Variants in NPC1 observed in about 807,000 individuals in gnomAD.
The protein encoded by NPC1 is NPC intracellular cholesterol transporter 1, also known as Niemann-Pick C1 protein.
A neutral mutation model predicts 140.4 loss-of-function variants in NPC1; 85 were observed. That is an observed-to-expected ratio of 0.61 (90% CI 0.51 to 0.72). The LOEUF is 0.72. Ranked by LOEUF, NPC1 falls within the 30% of genes least tolerant of loss-of-function variation. The pLI is 0.00. For missense variants in NPC1, 1,504 were observed against 1,623.8 expected (o/e 0.93, Z 1.27); for synonymous variants, 656 against 624.8 (o/e 1.05, Z -0.74).
At chr18:23,512,017 T>C (rs62093270) in intron 3 of NPC1, among the ~76,000 whole-genome samples, 1 of 83,608 alleles carries the variant, frequency 1.2e-5, no homozygotes, top group African/African-American at 4.8e-5. Context: ...GTAGAAAGAC[T>C]TTTTTTTTTT....
rs559970885 is a variant in NPC1, at chr18:23,551,734, A to G, written c.1554-7T>C. ...ATTCAGAGAGGCAGGAGCCCTGCCAAAAAGTTTAGAAAACACCTCCCAGTT... is the reference window on the plus strand; with the variant it reads ...ATTCAGAGAGGCAGGAGCCCTGCCAGAAAGTTTAGAAAACACCTCCCAGTT... On this transcript the variant is annotated splice_region_variant and splice_polypyrimidine_tract_variant and intron_variant, in intron 9 of 24. Transcript: ENST00000269228. The G allele has an allele frequency of 1.2e-6, 2 of 1,603,480 alleles. No homozygotes were observed. The highest frequency in any genetic ancestry group is 1.1e-5 in the South Asian group (1 of 90,898).
Position 23,535,573 on chromosome 18 carries a change from C to T in NPC1, c.3373G>A (p.Val1125Ile). 6.2e-7 allele frequency: 1 copy of T among 1,614,144 alleles called. No homozygotes were observed. The highest frequency in any genetic ancestry group is 1.1e-5 in the South Asian group (1 of 91,076). ...VLLGCELWSA[V>I]IMCATIAMVL... ...ATGGCGATGGTGGCACACATGATGACTGCAGACCAGAGCTCACAGCCCAGG... is the reference window on the plus strand; with the variant it reads ...ATGGCGATGGTGGCACACATGATGATTGCAGACCAGAGCTCACAGCCCAGG... Residue 1125 changes from valine to isoleucine, a missense_variant, in exon 22 of 25, where the codon GTC becomes ATC. Coordinates refer to ENST00000269228, the MANE Select transcript of NPC1 (RefSeq NM_000271.5).
At chr18:23,528,417 G>A (rs2058372836), downstream of NPC1, 2 of 154,244 alleles carry the variant, frequency 1.3e-5, no homozygotes. Flanking sequence ...TGTATTACTT[G>A]TACATCATAT....
chr18:23,571,719 G>C (rs893741275), intron 3 of NPC1, among the ~76,000 whole-genome samples: 66 of 151,524 alleles, frequency 4.4e-4, no homozygotes, highest in African/African-American at 1.5e-3. Flanking sequence ...CATGCCTGTA[G>C]TCCTAGCTAC....
rs752690577 is a variant in NPC1 at position 23,516,397 on chromosome 18, C to T, written c.432-9755G>A. On this transcript the variant is annotated intron_variant, in intron 3 of 3. Coordinates refer to the NPC1 transcript ENST00000591107. ...CTAAGTCAACTAAACCCAGCCTTTC[C>T]GAAAGAGACATCGCAATGGCTACCA... 6.4e-5 allele frequency: 103 copies of T among 1,614,064 alleles called. 1 individual carries two copies. Among genetic ancestry groups the T allele is most frequent in the Admixed American group, 8.3e-5 (5 of 60,004 alleles).
chr18:23,539,802 G>A lies in NPC1; in HGVS notation c.2795+9C>T, dbSNP rs770100738. On this transcript the variant is annotated intron_variant, in intron 18 of 24. Transcript: ENST00000269228. ...CTGCTTCTGAAGTACAAGACAAGGT[G>A]GTACTGACTAGTTGTCCAGCTGCGC... 1 of 1,613,570 alleles carries A rather than the reference G, an allele frequency of 6.2e-7. No individual in the cohort carries two copies. Among genetic ancestry groups the A allele is most frequent in the African/African-American group, 1.3e-5 (1 of 74,904 alleles).
chr18:23,520,074 C>A, downstream of NPC1: 1 of 666,194 alleles, frequency 1.5e-6, no homozygotes, highest in Non-Finnish European at 2.7e-6. Flanking sequence ...CAAGTAAGAG[C>A]TAGCCTGTAG....
chr18:23,511,244 CAT>C (rs2057850185), intron 3 of NPC1, among the ~76,000 whole-genome samples: 1 of 152,058 alleles, frequency 6.6e-6, no homozygotes. Context: ...CCAAATACCA[CAT>C]GATCTCACTT....
chr18:23,529,618 C>T, downstream of NPC1: 2 of 1,610,268 alleles, frequency 1.2e-6, no homozygotes, highest in Non-Finnish European at 1.7e-6. Flanking sequence ...TGTAAGACCA[C>T]ATTTTTTTCT....
chr18:23,510,036 A>G (rs2057811627), intron 3 of NPC1, among the ~76,000 whole-genome samples: 1 of 150,822 alleles, frequency 6.6e-6, no homozygotes, highest in Non-Finnish European at 1.5e-5. Context: ...AAAAAAAAGA[A>G]AAGAAAAAGG....
chr18:23,570,541 A>G (rs1443258314), intron 3 of NPC1, among the ~76,000 whole-genome samples: 1 of 152,248 alleles, frequency 6.6e-6, no homozygotes, highest in East Asian at 1.9e-4. Flanking sequence ...TTTGGTAAGA[A>G]GCAGAATTTC....
chr18:23,531,490 C>T lies in NPC1; in HGVS notation c.*712G>A. 1 of 1,461,344 alleles carries T rather than the reference C, an allele frequency of 6.8e-7. No homozygotes were observed. The highest frequency in any genetic ancestry group is 2.4e-5 in the East Asian group (1 of 40,978). 90.5% of individuals were successfully genotyped at this position (1,461,344 alleles called of 1,614,324 possible). A position where few individuals can be genotyped will look rare whatever the true frequency, so the allele number is the denominator to read the frequency against. On this transcript the variant is annotated 3_prime_UTR_variant, in exon 25 of 25. Transcript: ENST00000269228. ...TTGTCTCTCAAAGCAGATAGGGTAACCCCAAAACTTAGGAAAACAATGTAT... is the reference window on the plus strand; with the variant it reads ...TTGTCTCTCAAAGCAGATAGGGTAATCCCAAAACTTAGGAAAACAATGTAT...
rs1035388667 is a variant in NPC1 at position 23,554,658 on chromosome 18, T to C, written c.1553+100A>G. 13 of 849,612 alleles carry C rather than the reference T, an allele frequency of 1.5e-5. No individual in the cohort carries two copies. The Admixed American group carries it at 2.6e-4, about 17-fold the overall frequency. 52.6% of individuals were successfully genotyped at this position (849,612 alleles called of 1,614,324 possible). ...CTTCACAGGGCAAGGTCTTGTTGTT[T>C]GCTCACCTCTGGGTTATGCTCATAA... On this transcript the variant is annotated intron_variant, in intron 9 of 24. Transcript: ENST00000269228.
Position 23,543,499 on chromosome 18 carries a change from C to G in NPC1, c.2201G>C (p.Ser734Thr). Reference protein sequence around the residue: ...LGRVLGEVAPSMFLSSFSETV... With the variant: ...LGRVLGEVAPTMFLSSFSETV... Reference sequence around the variant, plus strand: ...CTCAGAAAAGGATGACAGGAACATACTGGGAGCCACTTCTCCTAGGACCCT... The same window carrying G: ...CTCAGAAAAGGATGACAGGAACATAGTGGGAGCCACTTCTCCTAGGACCCT... Residue 734 changes from serine to threonine, a missense_variant, in exon 14 of 25, where the codon AGT becomes ACT. Coordinates refer to ENST00000269228, the MANE Select transcript of NPC1 (RefSeq NM_000271.5). 4 of 1,612,422 alleles carry G rather than the reference C, an allele frequency of 2.5e-6. No individual in the cohort carries two copies. Among genetic ancestry groups the G allele is most frequent in the Non-Finnish European group, 3.4e-6 (4 of 1,179,344 alleles).
intron 1 of NPC1, among the ~76,000 whole-genome samples, chr18:23,580,368 A>T (rs915464565): frequency 1.3e-5 from 2 of 152,158 alleles, no homozygotes; most frequent in African/African-American, 4.8e-5. Context: ...AGAATTGGAG[A>T]ATGCACTGGA....
At chr18:23,529,727 T>C (rs767335862), downstream of NPC1, 1 of 1,603,260 alleles carries the variant, frequency 6.2e-7, no homozygotes, top group Non-Finnish European at 8.5e-7. Flanking sequence ...CTTCAAATCA[T>C]CTGGGCCCAA....
rs117709214 is a variant in NPC1, at chr18:23,534,181, G to A, written c.3591+265C>T. 0.014 allele frequency: 7,706 copies of A among 568,988 alleles called. 80 individuals carry two copies. The highest frequency in any genetic ancestry group is 0.018 in the Non-Finnish European group (5,618 of 316,002). The allele number at this position is 568,988 out of a possible 1,614,324, so 35.2% of individuals were successfully genotyped here. ...CCCGGGCTCCCCTGCATTTTAAATGGGAAAGACTGCCAGCTGTCTCATGTT... is the reference window on the plus strand; with the variant it reads ...CCCGGGCTCCCCTGCATTTTAAATGAGAAAGACTGCCAGCTGTCTCATGTT... On this transcript the variant is annotated intron_variant, in intron 23 of 24. Coordinates refer to ENST00000269228, the MANE Select transcript of NPC1 (RefSeq NM_000271.5).
chr18:23,548,696 C>T (rs2058824868), intron 10 of NPC1, among the ~76,000 whole-genome samples: 1 of 152,120 alleles, frequency 6.6e-6, no homozygotes, highest in African/African-American at 2.4e-5. Context: ...AGTAGTTTTG[C>T]AATTTTTTCT....
intron 5 of NPC1, among the ~76,000 whole-genome samples, chr18:23,561,093 C>T (rs184072116): frequency 1.3e-5 from 2 of 152,298 alleles, no homozygotes; most frequent in African/African-American, 2.4e-5. Context: ...CTCACTGCAG[C>T]CTTGAACTCC....
Sources: allele counts gnomAD v4.1 joint callset (sites outside exome capture counted in the v4.1 genomes callset), GRCh38; gene constraint gnomAD v4.1.1; transcripts MANE v1.5; gene names NCBI Gene and HGNC (gene_info 2026-07-23, HGNC 2026-07-21).